NIM1K: variants seen among roughly 807,000 people sequenced by gnomAD.
NIM1K encodes serine/threonine-protein kinase NIM1.
In NIM1K, 35 loss-of-function variants were observed where a neutral mutation model predicts 37.1. That is an observed-to-expected ratio of 0.94 (90% CI 0.72 to 1.25). The LOEUF (loss-of-function observed/expected upper bound fraction) is 1.25, where lower values mean the gene tolerates loss of function less well. NIM1K is among the 50% of genes most tolerant of loss of function. NIM1K has a pLI of 0.00. For synonymous variants in NIM1K, 234 were observed against 206.6 expected (o/e 1.13, Z -1.14); for missense variants, 564 against 548.0 (o/e 1.03, Z -0.29).
rs1753412251 is a variant in NIM1K, at chr5:43,280,039, T to C, written c.621T>C (p.Asn207=). ...LKAENVFYTS[N]TCVKVGDFGF... is the part of the protein sequence containing the mutation. ...CAGAAAATGTATTCTATACCAGTAA[T>C]ACTTGTGTGAAGGTGGGCGATTTTG... The change falls in exon 4 of 4, where the codon AAT becomes AAC. Residue 207 remains asparagine (N), a synonymous_variant. Coordinates refer to ENST00000326035, the MANE Select transcript of NIM1K (RefSeq NM_153361.4). 1 of 1,614,122 alleles carries C rather than the reference T, an allele frequency of 6.2e-7. No homozygotes were observed. Among genetic ancestry groups the C allele is most frequent in the Non-Finnish European group, 8.5e-7 (1 of 1,179,940 alleles).
chr5:43,277,458 G>A (rs1407171174), intron 3 of NIM1K, 133 bp downstream of exon 3: 2 of 929,392 alleles, frequency 2.2e-6, no homozygotes, highest in African/African-American at 3.3e-5. Context: ...CCTTCTGAGA[G>A]TCAGAAGTCT....
rs1752756025 is a variant in NIM1K at position 43,245,112 on chromosome 5, A to G, written c.-664A>G. On this transcript the variant is annotated 5_prime_UTR_variant, in exon 2 of 4. Transcript: ENST00000326035. ...ACCAGCCAAATTTTCGAGACAGCTC[A>G]CGGCTTAGAGGAAGGTTCATCTAAA... The G allele has an allele frequency of 6.6e-6, 1 of 152,256 alleles. No individual in the cohort carries two copies. Among genetic ancestry groups the G allele is most frequent in the East Asian group, 1.9e-4 (1 of 5,202 alleles). The allele number at this position is 152,256 out of a possible 1,614,324, so 9.4% of individuals were successfully genotyped here.
At chr5:43,235,789 T>A (rs1385584934) in intron 1 of NIM1K, among the ~76,000 whole-genome samples, 1 of 152,090 alleles carries the variant, frequency 6.6e-6, no homozygotes, top group African/African-American at 2.4e-5. Context: ...AGGGGTATAA[T>A]GTGCAGCAGT....
chr5:43,232,805 A>G lies in NIM1K; in HGVS notation c.-694-12277A>G, dbSNP rs1030660864. The stretch of plus-strand genomic sequence containing the variant: ...TCCATGCACTGTTCAGCCAGTTTAC[A>G]AATTTGGTCCAAAACGAGGTCAGTG... On this transcript the variant is annotated intron_variant, in intron 1 of 3. Coordinates refer to ENST00000326035, the MANE Select transcript of NIM1K (RefSeq NM_153361.4). 4.7e-6 allele frequency: 5 copies of G among 1,069,144 alleles called. No homozygotes were observed. The Admixed American group carries it at 8.8e-5, about 19-fold the overall frequency. The allele number at this position is 1,069,144 out of a possible 1,614,324, so 66.2% of individuals were successfully genotyped here.
chr5:43,251,634 C>T (rs1227374111), intron 2 of NIM1K, among the ~76,000 whole-genome samples: 1 of 152,156 alleles, frequency 6.6e-6, no homozygotes, highest in East Asian at 1.9e-4. Context: ...TTCTTTTGAT[C>T]TTCACTTTCT....
At chr5:43,207,661 G>C (rs1415746737) in intron 1 of NIM1K, 1 of 577,892 alleles carries the variant, frequency 1.7e-6, no homozygotes, top group Non-Finnish European at 3.4e-6. Context: ...CGGAAGCGCT[G>C]TTGCTCTATG....
intron 2 of NIM1K, among the ~76,000 whole-genome samples, chr5:43,270,958 C>T (rs1370577984): frequency 6.6e-6 from 1 of 152,180 alleles, no homozygotes. Flanking sequence ...ATATCTCCTC[C>T]TTTCCTCATT....
At chr5:43,268,100 G>A (rs1455574553) in intron 2 of NIM1K, among the ~76,000 whole-genome samples, 6 of 152,090 alleles carry the variant, frequency 3.9e-5, no homozygotes, top group African/African-American at 9.7e-5. Flanking sequence ...CTTAGGTCTA[G>A]CAGTAATTGT....
chr5:43,275,210 T>G (rs376056997), intron 2 of NIM1K, among the ~76,000 whole-genome samples: 13 of 152,242 alleles, frequency 8.5e-5, no homozygotes, highest in African/African-American at 3.1e-4. Context: ...TGTATCTGTA[T>G]TTTTCCTCAC....
rs1468262572 is a variant in NIM1K at position 43,233,149 on chromosome 5, A to G, written c.-694-11933A>G. ...GCCAACCTGGACACCAGCCTGGCCA[A>G]TGAGATGGAGATGCGGTCACGCATG... is the stretch of plus-strand genomic sequence containing the variant. On this transcript the variant is annotated intron_variant, in intron 1 of 3. Transcript: ENST00000326035. 4.6e-6 allele frequency: 6 copies of G among 1,317,516 alleles called. No homozygotes were observed. The African/African-American group carries it at 8.7e-5, about 19-fold the overall frequency. 81.6% of individuals were successfully genotyped at this position (1,317,516 alleles called of 1,614,324 possible). A position where few individuals can be genotyped will look rare whatever the true frequency, so the allele number is the denominator to read the frequency against.
intron 2 of NIM1K, among the ~76,000 whole-genome samples, chr5:43,272,228 T>G (rs752776678): frequency 6.6e-6 from 1 of 152,200 alleles, no homozygotes; most frequent in Admixed American, 6.5e-5. Context: ...CAAGATCTTC[T>G]GTCCTACCCA....
At chr5:43,249,463 G>A (rs1339425659) in intron 2 of NIM1K, among the ~76,000 whole-genome samples, 1 of 152,182 alleles carries the variant, frequency 6.6e-6, no homozygotes, top group Non-Finnish European at 1.5e-5. Context: ...TGGGCACTAC[G>A]TGGTTCAGTC....
chr5:43,218,300 C>T (rs187733061), intron 1 of NIM1K, among the ~76,000 whole-genome samples: 1 of 152,272 alleles, frequency 6.6e-6, no homozygotes, highest in East Asian at 1.9e-4. Flanking sequence ...CGTGAGCCAC[C>T]GTGCCCGGCC....
intron 2 of NIM1K, among the ~76,000 whole-genome samples, chr5:43,258,482 C>T (rs1007172356): frequency 7.3e-5 from 11 of 151,306 alleles, no homozygotes; most frequent in Non-Finnish European, 1.5e-5. Context: ...TGCTTTGTCA[C>T]CCAGGCTGGA....
Position 43,280,599 on chromosome 5 carries a change from TC to T in NIM1K, c.1183del (p.Gln395LysfsTer12). 1.2e-6 allele frequency: 2 copies of T among 1,613,620 alleles called. No homozygotes were observed. Among genetic ancestry groups the T allele is most frequent in the Non-Finnish European group, 1.7e-6 (2 of 1,179,928 alleles). On this transcript the variant is annotated frameshift_variant, in exon 4 of 4. Coordinates refer to ENST00000326035, the MANE Select transcript of NIM1K (RefSeq NM_153361.4). LOFTEE classifies it high-confidence loss of function. ...GTCTATAGAATTATTTTACATAGAG[TC>T]CAAAGGAAGAAGGCTTTGGAAAGTG... Reference protein sequence around the residue: ...TGVYRIILHRVQRKKALESVP... With the variant: ...TGVYRIILHRXQRKKALESVP...
rs1434051437 is a variant in NIM1K, at chr5:43,207,477, C to A, written c.-695+15066C>A. On this transcript the variant is annotated intron_variant, in intron 1 of 3. Transcript: ENST00000326035. Reference sequence around the variant, plus strand: ...TGTATTCCGGTACTGAAGAGGTACACCAAAGAAGGGAGATAATTTTATTAT... The same window carrying A: ...TGTATTCCGGTACTGAAGAGGTACAACAAAGAAGGGAGATAATTTTATTAT... 1.3e-5 allele frequency: 10 copies of A among 748,050 alleles called. No homozygotes were observed. The African/African-American group carries it at 1.6e-4, about 12-fold the overall frequency. 46.3% of individuals were successfully genotyped at this position (748,050 alleles called of 1,614,324 possible).
intron 2 of NIM1K, among the ~76,000 whole-genome samples, chr5:43,251,190 G>A (rs1752862076): frequency 6.6e-6 from 1 of 152,166 alleles, no homozygotes; most frequent in Non-Finnish European, 1.5e-5. Context: ...ACTATGAATA[G>A]AAGGTGATGG....
At chr5:43,198,897 A>G (rs562522076) in intron 1 of NIM1K, among the ~76,000 whole-genome samples, 7 of 152,168 alleles carry the variant, frequency 4.6e-5, no homozygotes, top group African/African-American at 1.7e-4. Flanking sequence ...TTTTAAAAAT[A>G]TGTATAAAGG....
rs912057952 is a variant in NIM1K at position 43,215,818 on chromosome 5, C to T, written c.-695+23407C>T. Among the ~76,000 whole-genome samples, 5 of 152,300 alleles carry T rather than the reference C, an allele frequency of 3.3e-5. No individual in the cohort carries two copies. The East Asian group carries it at 9.6e-4, about 29-fold the overall frequency. ...GAGCTTTGACTTCATGATTCTTGTT[C>T]TTTAGTGGATTTACGTTATTACTTA... On this transcript the variant is annotated intron_variant, in intron 1 of 3. Transcript: ENST00000326035.
Sources: allele counts gnomAD v4.1 joint callset (sites outside exome capture counted in the v4.1 genomes callset), GRCh38; gene constraint gnomAD v4.1.1; transcripts MANE v1.5; gene names NCBI Gene and HGNC (gene_info 2026-07-23, HGNC 2026-07-21).